Variants in NAA15 observed in about 807,000 individuals in gnomAD.
The protein encoded by NAA15 is N-alpha-acetyltransferase 15, NatA auxiliary subunit.
A neutral mutation model predicts 114.0 loss-of-function variants in NAA15; 34 were observed. The observed-to-expected ratio is 0.30, with a 90% CI of 0.23 to 0.40. The LOEUF is 0.40. Ranked by LOEUF, NAA15 falls within the 10% of genes least tolerant of loss-of-function variation. The pLI is 1.00. For synonymous variants in NAA15, 340 were observed against 338.0 expected (o/e 1.01, Z -0.06); for missense variants, 658 against 1,004.5 (o/e 0.66, Z 4.66).
At chr4:139,303,198 A>C (rs945507223) in intron 1 of NAA15, among the ~76,000 whole-genome samples, 3 of 152,280 alleles carry the variant, frequency 2.0e-5, no homozygotes, top group African/African-American at 7.2e-5. Flanking sequence ...TTCTTACTGG[A>C]ATTTTGTTTT....
chr4:139,364,672 CAG>C (rs1748228414), intron 14 of NAA15, among the ~76,000 whole-genome samples: 1 of 152,212 alleles, frequency 6.6e-6, no homozygotes, highest in Admixed American at 6.5e-5. Context: ...CATCAGTACA[CAG>C]ATAGGTTTCT....
At position 139,385,521 on chromosome 4, in the gene NAA15, G is replaced by A. The variant is rs557547758; in HGVS notation, c.2302+543G>A. Among the ~76,000 whole-genome samples the A allele has an allele frequency of 3.6e-4, 55 of 151,596 alleles. 1 individual carries two copies. In the South Asian group the frequency reaches 0.011, roughly 29 times the overall value. On this transcript the variant is annotated intron_variant, in intron 18 of 19. Transcript: ENST00000296543. ...TAAAATTCACTCAGATAGGACCATC[G>A]TCTTCCATTTCTCATTCTTATGTAG...
chr4:139,345,559 A>T (rs574284480), intron 6 of NAA15, among the ~76,000 whole-genome samples: 1 of 152,324 alleles, frequency 6.6e-6, no homozygotes, highest in Non-Finnish European at 1.5e-5. Context: ...GTCATTGGTG[A>T]CCTTAACAAA....
intron 1 of NAA15, among the ~76,000 whole-genome samples, chr4:139,324,370 A>G (rs1746720776): frequency 6.6e-6 from 1 of 152,194 alleles, no homozygotes. Context: ...ATACTCTGGC[A>G]TTTCTTCCAT....
chr4:139,362,662 C>T (rs369071709), intron 14 of NAA15, among the ~76,000 whole-genome samples: 27 of 152,198 alleles, frequency 1.8e-4, no homozygotes, highest in African/African-American at 6.0e-4. Context: ...ACATTAAAAA[C>T]CAGCTTGGGA....
chr4:139,377,452 C>T (rs978004135), intron 16 of NAA15, among the ~76,000 whole-genome samples: 1 of 151,716 alleles, frequency 6.6e-6, no homozygotes, highest in Admixed American at 6.6e-5. Context: ...GCAGGAGAAT[C>T]GCTTGAACCC....
intron 3 of NAA15, among the ~76,000 whole-genome samples, chr4:139,338,921 C>T (rs1203841422): frequency 1.3e-5 from 2 of 152,134 alleles, no homozygotes; most frequent in African/African-American, 4.8e-5. Context: ...GGTAATACTC[C>T]TGTCTCAGCC....
rs1351849553 is a variant in NAA15 at position 139,389,812 on chromosome 4, T to C, written c.*1728T>C. 1 of 152,650 alleles carries C rather than the reference T, an allele frequency of 6.6e-6. No individual in the cohort carries two copies. The highest frequency in any genetic ancestry group is 2.4e-5 in the African/African-American group (1 of 41,454). 9.5% of individuals were successfully genotyped at this position (152,650 alleles called of 1,614,324 possible). On this transcript the variant is annotated 3_prime_UTR_variant, in exon 20 of 20. Coordinates refer to ENST00000296543, the MANE Select transcript of NAA15 (RefSeq NM_057175.5). ...TGAACAGTTGTGCTACAATCAACTTTTCATAGTACATGACCTGCATTCCAC... is the reference window on the plus strand; with the variant it reads ...TGAACAGTTGTGCTACAATCAACTTCTCATAGTACATGACCTGCATTCCAC...
intron 1 of NAA15, 169 bp downstream of exon 1, chr4:139,302,000 A>G (rs926203106): frequency 5.1e-5 from 33 of 644,774 alleles, no homozygotes; most frequent in Non-Finnish European, 7.2e-5. Flanking sequence ...GGTTCCTACT[A>G]TGGCCCGCGC....
intron 2 of NAA15, among the ~76,000 whole-genome samples, chr4:139,335,985 C>G (rs1219013967): frequency 6.6e-6 from 1 of 152,118 alleles, no homozygotes; most frequent in Admixed American, 6.6e-5. Flanking sequence ...TCTGGAACTC[C>G]TGACCTCAAG....
Position 139,301,807 on chromosome 4 carries a change from G to T in NAA15, c.30G>T (p.Glu10Asp), listed in dbSNP as rs1473664568. 1 of 1,592,964 alleles carries T rather than the reference G, an allele frequency of 6.3e-7. No homozygotes were observed. The highest frequency in any genetic ancestry group is 1.7e-5 in the Admixed American group (1 of 57,966). The change falls in exon 1 of 20, where the codon GAG becomes GAT. Residue 10 changes from glutamate to aspartate, a missense_variant. This residue lies in a region of NAA15 where 18 missense variants were observed against 18.9 expected (regional missense o/e 0.95). Transcript: ENST00000296543. ...CGGCCGTGAGCCTCCCGCCCAAGGA[G>T]AATGCGCTCTTCAAGCGGATCTTGG... is the stretch of plus-strand genomic sequence containing the variant. Reference protein sequence around the residue: MPAVSLPPKENALFKRILRC... With the variant: MPAVSLPPKDNALFKRILRC...
rs968711619 is a variant in NAA15 at position 139,316,980 on chromosome 4, C to T, written c.54+15149C>T. Reference sequence around the variant, plus strand: ...AACTGTGCCTTGCTAAAACTGTTGCCTTTGATCTTACATACTTTCTAAGTG... The same window carrying T: ...AACTGTGCCTTGCTAAAACTGTTGCTTTTGATCTTACATACTTTCTAAGTG... On this transcript the variant is annotated intron_variant, in intron 1 of 19. Transcript: ENST00000296543. Among the ~76,000 whole-genome samples, 21 of 151,794 alleles carry T rather than the reference C, an allele frequency of 1.4e-4. 1 individual carries two copies. In the South Asian group the frequency reaches 4.4e-3, roughly 32 times the overall value.
intron 11 of NAA15, among the ~76,000 whole-genome samples, chr4:139,358,505 C>G (rs765611711): frequency 9.3e-5 from 14 of 151,032 alleles, no homozygotes; most frequent in Non-Finnish European, 1.8e-4. Context: ...TAAAGAAGCA[C>G]TTTTGATTTT....
At chr4:139,387,320 C>T (rs866984165) in intron 19 of NAA15, among the ~76,000 whole-genome samples, 2 of 152,308 alleles carry the variant, frequency 1.3e-5, no homozygotes, top group Non-Finnish European at 1.5e-5. Flanking sequence ...AAGAATTACT[C>T]ATTTTCATGA....
At chr4:139,320,719 T>C (rs6813478) in intron 1 of NAA15, among the ~76,000 whole-genome samples, 45,341 of 151,988 alleles carry the variant, frequency 0.3, 7,463 homozygotes, top group African/African-American at 0.44. Context: ...CGGGGTTTCA[T>C]CATGTTGGGC....
chr4:139,346,551 A>G (rs1747588614), intron 6 of NAA15, among the ~76,000 whole-genome samples: 1 of 139,790 alleles, frequency 7.2e-6, no homozygotes, highest in Non-Finnish European at 1.6e-5. Context: ...AGGCAAAAAA[A>G]AAATTTTTTT....
intron 14 of NAA15, among the ~76,000 whole-genome samples, chr4:139,364,172 G>A (rs565386474): frequency 1.3e-5 from 2 of 152,276 alleles, no homozygotes; most frequent in African/African-American, 4.8e-5. Flanking sequence ...CACAATGTTT[G>A]ACCAATTTCT....
chr4:139,376,556 C>T, intron 16 of NAA15, 83 bp downstream of exon 16: 1 of 833,542 alleles, frequency 1.2e-6, no homozygotes, highest in East Asian at 2.5e-5. Flanking sequence ...ATAGCCTTAC[C>T]ACTGTACGAT....
intron 2 of NAA15, among the ~76,000 whole-genome samples, chr4:139,334,928 A>G (rs1216123489): frequency 6.6e-6 from 1 of 152,004 alleles, no homozygotes; most frequent in East Asian, 1.9e-4. Flanking sequence ...TTTTTGGCCT[A>G]TCTTTATAAT....
Sources: allele counts gnomAD v4.1 joint callset (sites outside exome capture counted in the v4.1 genomes callset), GRCh38; gene constraint gnomAD v4.1.1; regional missense constraint gnomAD v4.1.1; transcripts MANE v1.5; gene names NCBI Gene and HGNC (gene_info 2026-07-23, HGNC 2026-07-21).